The following RANBP17 variants were observed in gnomAD, a reference collection of about 807,000 sequenced individuals.
The protein encoded by RANBP17 is ran-binding protein 17.
In RANBP17, 158 loss-of-function variants were observed where a neutral mutation model predicts 141.2. That is an observed-to-expected ratio of 1.12 (90% CI 0.98 to 1.28). The LOEUF (loss-of-function observed/expected upper bound fraction) is 1.28. Ranked by LOEUF, RANBP17 falls within the 50% of genes most tolerant of loss-of-function variation. The pLI is 0.00. For missense variants in RANBP17, 1,438 were observed against 1,290.7 expected, an observed-to-expected ratio of 1.11 and a Z score of -1.75; for synonymous variants, 430 against 450.0, an observed-to-expected ratio of 0.96 and a Z score of 0.56.
At chr5:170,934,734 A>C (rs1360372213) in intron 12 of RANBP17, among the ~76,000 whole-genome samples, 1 of 152,096 alleles carries the variant, frequency 6.6e-6, no homozygotes, top group Non-Finnish European at 1.5e-5. Context: ...AGCTGCCCTT[A>C]ACATTTTTTC....
intron 21 of RANBP17, among the ~76,000 whole-genome samples, chr5:171,221,506 G>A (rs1251655602): frequency 6.6e-6 from 1 of 152,124 alleles, no homozygotes; most frequent in Non-Finnish European, 1.5e-5. Context: ...TCAGGATATT[G>A]TTTTGACAGA....
chr5:170,873,390 T>C (rs1767916937), intron 1 of RANBP17, among the ~76,000 whole-genome samples: 1 of 152,212 alleles, frequency 6.6e-6, no homozygotes, highest in South Asian at 2.1e-4. Flanking sequence ...GTCCCTCCTT[T>C]TCAGTTGTTT....
chr5:171,216,882 C>G (rs563348946), intron 21 of RANBP17, among the ~76,000 whole-genome samples: 7 of 152,272 alleles, frequency 4.6e-5, no homozygotes, highest in Non-Finnish European at 8.8e-5. Flanking sequence ...TTCCTGTCTT[C>G]CTATCTGAAT....
intron 14 of RANBP17, chr5:171,158,561 A>G (rs561846508): frequency 5.7e-6 from 1 of 176,212 alleles, no homozygotes; most frequent in Admixed American, 6.3e-5. Context: ...AAATGTGCTA[A>G]ACACCTTAGT....
At chr5:170,872,341 T>C (rs549183465) in intron 1 of RANBP17, among the ~76,000 whole-genome samples, 1 of 152,306 alleles carries the variant, frequency 6.6e-6, no homozygotes, top group South Asian at 2.1e-4. Flanking sequence ...TAGGAATGCT[T>C]GTGATTTTGC....
intron 18 of RANBP17, among the ~76,000 whole-genome samples, chr5:171,197,765 G>A (rs1581842788): frequency 1.3e-5 from 2 of 152,202 alleles, no homozygotes; most frequent in Non-Finnish European, 1.5e-5. Flanking sequence ...GCGGCCGGGC[G>A]CTGTGGCTCA....
chr5:171,242,740 A>G lies in RANBP17; in HGVS notation c.2696A>G (p.His899Arg). The change falls in exon 24 of 28, where the codon CAT becomes CGT. Residue 899 changes from histidine to arginine, a missense_variant. By Grantham distance (29) the His-to-Arg change is conservative (BLOSUM62 0). Coordinates refer to ENST00000523189, the MANE Select transcript of RANBP17 (RefSeq NM_022897.5). ...YPLLECLTQDHMSFIINLEPP... is the reference protein window; with the variant it reads ...YPLLECLTQDRMSFIINLEPP... ...CTCCTGGAATGTCTCACTCAGGACC[A>G]TATGAGCTTCATCATCAACTTAGAG... 1 of 1,613,780 alleles carries G rather than the reference A, an allele frequency of 6.2e-7. No individual in the cohort carries two copies. Among genetic ancestry groups the G allele is most frequent in the Non-Finnish European group, 8.5e-7 (1 of 1,179,718 alleles).
At chr5:171,221,886 C>A (rs1763582413) in intron 22 of RANBP17, 46 bp downstream of exon 22, 1 of 1,067,804 alleles carries the variant, frequency 9.4e-7, no homozygotes, top group Non-Finnish European at 1.4e-6. Flanking sequence ...AGTTTTATCT[C>A]TTTAGAGGAA....
intron 25 of RANBP17, among the ~76,000 whole-genome samples, chr5:171,280,261 G>A (rs1406069499): frequency 2.0e-5 from 3 of 151,994 alleles, no homozygotes; most frequent in Admixed American, 6.6e-5. Context: ...GTTGTTTTTT[G>A]GGCTTTTTGG....
At position 170,925,574 on chromosome 5, in the gene RANBP17, T is replaced by C. The variant is rs551058891; in HGVS notation, c.1468+1024T>C. Among the ~76,000 whole-genome samples, 8 of 152,284 alleles carry C rather than the reference T, an allele frequency of 5.3e-5. No homozygotes were observed. In the South Asian group the frequency reaches 1.7e-3, roughly 32 times the overall value. On this transcript the variant is annotated intron_variant, in intron 12 of 27. Transcript: ENST00000523189. ...ACAGAATAGCAGTAACCACAAACAC[T>C]ATTACCTTGCTTAAAGAATAGGTCG...
At chr5:171,150,024 G>T (rs2127830344) in intron 14 of RANBP17, among the ~76,000 whole-genome samples, 1 of 152,222 alleles carries the variant, frequency 6.6e-6, no homozygotes, top group East Asian at 1.9e-4. Flanking sequence ...TGGCAAACTG[G>T]CAAATGCTTC....
intron 14 of RANBP17, among the ~76,000 whole-genome samples, chr5:171,039,240 T>C (rs1379525868): frequency 4.4e-5 from 5 of 114,542 alleles, no homozygotes; most frequent in African/African-American, 1.4e-4. Flanking sequence ...TAGCTTCTGT[T>C]GTTGGTTTTT....
chr5:171,207,052 C>G (rs958425091), intron 20 of RANBP17: 34 of 168,320 alleles, frequency 2.0e-4, no homozygotes, highest in Non-Finnish European at 5.2e-5. Flanking sequence ...GACTCAAACT[C>G]CTGGGCTCAA....
At chr5:170,943,263 CT>C (rs1448605352) in intron 12 of RANBP17, among the ~76,000 whole-genome samples, 2 of 152,030 alleles carry the variant, frequency 1.3e-5, no homozygotes, top group Non-Finnish European at 2.9e-5. Flanking sequence ...GTTATGTGTG[CT>C]TTAATTTAGA....
chr5:170,932,456 T>G (rs562034346), intron 12 of RANBP17, among the ~76,000 whole-genome samples: 21 of 152,160 alleles, frequency 1.4e-4, no homozygotes, highest in South Asian at 8.3e-4. Context: ...TGAATAGGAG[T>G]GGTGAGAGAG....
At chr5:171,157,549 G>C (rs1289390253) in intron 14 of RANBP17, among the ~76,000 whole-genome samples, 2 of 152,170 alleles carry the variant, frequency 1.3e-5, no homozygotes, top group East Asian at 3.9e-4. Context: ...TTTAAAATAT[G>C]AGCATTTCTA....
At chr5:171,013,707 C>T (rs890905847) in intron 14 of RANBP17, among the ~76,000 whole-genome samples, 50 of 152,046 alleles carry the variant, frequency 3.3e-4, no homozygotes, top group African/African-American at 1.1e-3. Context: ...CCTCCAAATT[C>T]GATATTCTTT....
chr5:171,262,139 A>G (rs1401028040), intron 24 of RANBP17, among the ~76,000 whole-genome samples: 2 of 152,174 alleles, frequency 1.3e-5, no homozygotes, highest in Non-Finnish European at 2.9e-5. Context: ...ATCTATGTGA[A>G]GTCTTTATAA....
chr5:171,281,386 T>C (rs1347980650), intron 25 of RANBP17, among the ~76,000 whole-genome samples: 1 of 152,184 alleles, frequency 6.6e-6, no homozygotes, highest in Non-Finnish European at 1.5e-5. Flanking sequence ...TTATTTTACA[T>C]GGGGCAAACA....
Sources: allele counts gnomAD v4.1 joint callset (sites outside exome capture counted in the v4.1 genomes callset), GRCh38; gene constraint gnomAD v4.1.1; transcripts MANE v1.5; gene names NCBI Gene and HGNC (gene_info 2026-07-23, HGNC 2026-07-21).